The following GABRR3 variants were observed in gnomAD, a reference collection of about 807,000 sequenced individuals.
GABRR3 encodes gamma-aminobutyric acid receptor subunit rho-3.
Under a neutral mutation model 43.2 loss-of-function variants are expected in GABRR3, and 29 were observed. The observed-to-expected ratio is 0.67, with a 90% CI of 0.50 to 0.92. The LOEUF (loss-of-function observed/expected upper bound fraction) is 0.92, where lower values mean the gene tolerates loss of function less well. Among genes scored for constraint, GABRR3 ranks in the 40% least tolerant of loss-of-function variants. The probability of loss-of-function intolerance (pLI) is 0.00; values close to 1 mark genes in which losing one functional copy is unlikely to be tolerated. For synonymous variants in GABRR3, 206 were observed against 195.9 expected (o/e 1.05, Z -0.43); for missense variants, 576 against 572.3 (o/e 1.01, Z -0.07).
At chr3:98,003,904 A>G (rs74470022) in intron 7 of GABRR3, among the ~76,000 whole-genome samples, 1 of 152,180 alleles carries the variant, frequency 6.6e-6, no homozygotes, top group Non-Finnish European at 1.5e-5. Flanking sequence ...TGTAAGTAAT[A>G]AATCACTTCA....
chr3:98,015,007 C>T (rs1706856520), intron 4 of GABRR3, among the ~76,000 whole-genome samples: 1 of 152,092 alleles, frequency 6.6e-6, no homozygotes, highest in African/African-American at 2.4e-5. Context: ...TATATAAAAA[C>T]AACTTTTGAA....
intron 7 of GABRR3, among the ~76,000 whole-genome samples, chr3:98,005,064 A>G (rs1246851784): frequency 6.6e-6 from 1 of 152,070 alleles, no homozygotes; most frequent in Non-Finnish European, 1.5e-5. Flanking sequence ...ATATTTGAAT[A>G]CAACTTCCAA....
chr3:97,988,497 T>A (rs1195788934), intron 9 of GABRR3, among the ~76,000 whole-genome samples: 1 of 152,184 alleles, frequency 6.6e-6, no homozygotes, highest in Non-Finnish European at 1.5e-5. Context: ...GGTTGGAATA[T>A]GTACATGAAC....
rs1288666189 is a variant in GABRR3 at position 98,017,741 on chromosome 3, T to C, written c.239-19A>G. 1 of 1,554,942 alleles carries C rather than the reference T, an allele frequency of 6.4e-7. No individual in the cohort carries two copies. Among genetic ancestry groups the C allele is most frequent in the African/African-American group, 1.4e-5 (1 of 73,824 alleles). Reference sequence around the variant, plus strand: ...GGAGACCCTTAAGAAAGAAGAATGGTTAATATGCTGAGGAATGCATTATAA... The same window carrying C: ...GGAGACCCTTAAGAAAGAAGAATGGCTAATATGCTGAGGAATGCATTATAA... On this transcript the variant is annotated intron_variant, in intron 3 of 9. Coordinates refer to ENST00000621172, the Ensembl canonical transcript of GABRR3.
chr3:98,032,412 C>T (rs886892257), intron 2 of GABRR3, among the ~76,000 whole-genome samples: 3 of 152,286 alleles, frequency 2.0e-5, no homozygotes, highest in South Asian at 2.1e-4. Context: ...AGAGTCAATA[C>T]GTTGCTCTTA....
chr3:97,994,379 A>G (rs1024409660), intron 8 of GABRR3, among the ~76,000 whole-genome samples: 1 of 152,206 alleles, frequency 6.6e-6, no homozygotes, highest in Admixed American at 6.5e-5. Flanking sequence ...ACAGTACCAT[A>G]GGAGGACTTG....
At chr3:98,027,896 G>C (rs1176116008) in intron 2 of GABRR3, among the ~76,000 whole-genome samples, 1 of 151,910 alleles carries the variant, frequency 6.6e-6, no homozygotes, top group African/African-American at 2.4e-5. Context: ...TGCATTTAAA[G>C]ATACCTGAAC....
chr3:98,029,443 T>C (rs1707059629), intron 2 of GABRR3, among the ~76,000 whole-genome samples: 1 of 152,110 alleles, frequency 6.6e-6, no homozygotes, highest in Admixed American at 6.6e-5. Context: ...GACATAGTAG[T>C]CAAAGGATTA....
chr3:98,032,362 C>T (rs1707096641), intron 2 of GABRR3, among the ~76,000 whole-genome samples: 1 of 152,174 alleles, frequency 6.6e-6, no homozygotes, highest in African/African-American at 2.4e-5. Context: ...GCAAGCCAGA[C>T]TGAGCAGACT....
At chr3:98,015,987 C>T (rs1164991119) in intron 4 of GABRR3, among the ~76,000 whole-genome samples, 2 of 152,238 alleles carry the variant, frequency 1.3e-5, no homozygotes, top group Admixed American at 6.5e-5. Flanking sequence ...CTTACAACCA[C>T]GGCAGAAGGC....
chr3:97,999,262 G>A (rs1352391525), intron 8 of GABRR3: 1 of 152,110 alleles, frequency 6.6e-6, no homozygotes, highest in Non-Finnish European at 1.5e-5. Context: ...GCATGGGAGT[G>A]TACCTAGAAA....
At chr3:97,989,435 AGTGGTGGTGGGTGGTGG>A (rs1230772706) in intron 9 of GABRR3, among the ~76,000 whole-genome samples, 4 of 84,578 alleles carry the variant, frequency 4.7e-5, no homozygotes, top group Non-Finnish European at 9.3e-5. Context: ...AGTGGTGAGT[AGTGGTGGTGGGTGGTGG>A]GTGGTGGTGG....
At chr3:98,024,911 T>C (rs1706992607) in intron 3 of GABRR3, among the ~76,000 whole-genome samples, 1 of 152,254 alleles carries the variant, frequency 6.6e-6, no homozygotes, top group Non-Finnish European at 1.5e-5. Flanking sequence ...GTACCTGTAA[T>C]ATGAATTTTC....
At chr3:98,010,734 T>C (rs892886591) in intron 5 of GABRR3, among the ~76,000 whole-genome samples, 1 of 152,152 alleles carries the variant, frequency 6.6e-6, no homozygotes, top group Non-Finnish European at 1.5e-5. Context: ...GTCCAGATAG[T>C]GTCGTTCTGC....
chr3:97,993,358 G>T (rs1472547374), intron 8 of GABRR3, among the ~76,000 whole-genome samples: 6 of 152,120 alleles, frequency 3.9e-5, no homozygotes, highest in African/African-American at 1.4e-4. Flanking sequence ...TTCTAAGCAT[G>T]CCAGAAAGGT....
chr3:98,005,981 C>T (rs1706720475), intron 7 of GABRR3, among the ~76,000 whole-genome samples: 1 of 151,920 alleles, frequency 6.6e-6, no homozygotes, highest in African/African-American at 2.4e-5. Flanking sequence ...AATTATACTT[C>T]ACATATACCA....
intron 2 of GABRR3, among the ~76,000 whole-genome samples, chr3:98,030,114 GA>G (rs35867090): frequency 0.55 from 77,554 of 139,838 alleles, 21,452 homozygotes; most frequent in East Asian, 0.64. Flanking sequence ...GACTGTCTTG[GA>G]AAAAAAAAAA....
At chr3:98,025,118 A>G (rs1177168458) in intron 3 of GABRR3, among the ~76,000 whole-genome samples, 1 of 152,214 alleles carries the variant, frequency 6.6e-6, no homozygotes, top group Non-Finnish European at 1.5e-5. Context: ...GATCAATCTT[A>G]ATTGCTAGAA....
intron 7 of GABRR3, among the ~76,000 whole-genome samples, chr3:98,006,886 C>T (rs1017291466): frequency 6.6e-6 from 1 of 152,096 alleles, no homozygotes; most frequent in South Asian, 2.1e-4. Context: ...AGAAATATAT[C>T]TGTCATAGTA....
Sources: allele counts gnomAD v4.1 joint callset (sites outside exome capture counted in the v4.1 genomes callset), GRCh38; gene constraint gnomAD v4.1.1; transcripts MANE v1.5; gene names NCBI Gene and HGNC (gene_info 2026-07-23, HGNC 2026-07-21).